MRPL30: variants seen among roughly 807,000 people sequenced by gnomAD.
MRPL30 encodes the protein mitochondrial ribosomal protein L30, also known as large ribosomal subunit protein uL30m.
A neutral mutation model predicts 17.2 loss-of-function variants in MRPL30; 10 were observed. That is an observed-to-expected ratio of 0.58 (90% CI 0.36 to 0.99). MRPL30 has a LOEUF of 0.99. Ranked by LOEUF, MRPL30 falls within the 50% of genes least tolerant of loss-of-function variation. The probability of loss-of-function intolerance (pLI) is 0.01; values close to 1 mark genes in which losing one functional copy is unlikely to be tolerated. For missense variants in MRPL30, 170 were observed against 189.8 expected, an observed-to-expected ratio of 0.90 and a Z score of 0.61; for synonymous variants, 61 against 62.1, an observed-to-expected ratio of 0.98 and a Z score of 0.08.
In MRPL30 at chr2:99,198,359, G is replaced by A. The variant is rs1209438178; in HGVS notation, c.*2654G>A. 1.3e-5 allele frequency among the ~76,000 whole-genome samples: 2 copies of A among 152,234 alleles called. No individual in the cohort carries two copies. The highest frequency in any genetic ancestry group is 1.5e-5 in the Non-Finnish European group (1 of 68,042). ...AGGGATCTGCTCCCAAGCACTCTCA[G>A]GTTGTTGGCAGAATTTGTTTCCTTA... On this transcript the variant is annotated 3_prime_UTR_variant, in exon 6 of 6. Coordinates refer to ENST00000338148, the MANE Select transcript of MRPL30 (RefSeq NM_145212.4).
chr2:99,195,858 G>A lies in MRPL30; in HGVS notation c.*153G>A, dbSNP rs867788205. The A allele has an allele frequency of 1.9e-5, 20 of 1,045,900 alleles. No homozygotes were observed. Among genetic ancestry groups the A allele is most frequent in the Non-Finnish European group, 2.4e-5 (18 of 746,072 alleles). The allele number at this position is 1,045,900 out of a possible 1,614,324, so 64.8% of individuals were successfully genotyped here. On this transcript the variant is annotated 3_prime_UTR_variant, in exon 6 of 6. Transcript: ENST00000338148. ...GCACTTTGGGAGGCCAAGGCGGGCA[G>A]ATCACCTGAGGTCAAGAGTTCGAGA...
At chr2:99,195,484 A>G (rs2093953576) in intron 5 of MRPL30, 89 bp from the exon 6 acceptor site, 13 of 1,392,146 alleles carry the variant, frequency 9.3e-6, no homozygotes, top group South Asian at 7.0e-5. Flanking sequence ...ATTTGAAACT[A>G]TGTGTTATTG....
At chr2:99,189,309 C>G (rs2093939948) in intron 3 of MRPL30, among the ~76,000 whole-genome samples, 1 of 152,196 alleles carries the variant, frequency 6.6e-6, no homozygotes, top group Admixed American at 6.5e-5. Flanking sequence ...TCCTTCCCAA[C>G]TCCTAACCCC....
In MRPL30 at chr2:99,194,856, T is replaced by A. The variant is rs2093952576; in HGVS notation, c.238T>A (p.Tyr80Asn). Residue 80 changes from tyrosine (Y) to asparagine (N), a missense_variant, in exon 4 of 6, where the codon TAT (tyrosine) becomes AAT (asparagine). Physicochemically the swap from Tyr to Asn is moderately radical, Grantham distance 143 (BLOSUM62 -2). Transcript: ENST00000338148. ...AATAAAAAGTACAAGAAGACGTCCATATTGGGAAAAAGATATAATAAAGAT... is the reference window on the plus strand; with the variant it reads ...AATAAAAAGTACAAGAAGACGTCCAAATTGGGAAAAAGATATAATAAAGAT... ...TRIKSTRRRP[Y>N]WEKDIIKMLG... The A allele has an allele frequency of 1.3e-6, 2 of 1,587,372 alleles. No homozygotes were observed. Among genetic ancestry groups the A allele is most frequent in the African/African-American group, 2.7e-5 (2 of 73,368 alleles).
intron 1 of MRPL30, among the ~76,000 whole-genome samples, chr2:99,185,315 A>G (rs549751984): frequency 1.3e-5 from 2 of 152,290 alleles, no homozygotes; most frequent in African/African-American, 4.8e-5. Flanking sequence ...CTTTGTAGTA[A>G]TTTAATAATA....
rs1462310726 is a variant in MRPL30, at chr2:99,195,236, A to C, written c.353+47A>C. On this transcript the variant is annotated intron_variant, in intron 5 of 5. Coordinates refer to ENST00000338148, the MANE Select transcript of MRPL30 (RefSeq NM_145212.4). ...CTTTTTAAAATGTATTGCCTAGTGT[A>C]ATTCTAAATGCATTTTTCTTTTTTC... 4.0e-6 allele frequency: 6 copies of C among 1,484,210 alleles called. No homozygotes were observed. In the African/African-American group the frequency reaches 7.1e-5, roughly 18 times the overall value. The allele number at this position is 1,484,210 out of a possible 1,614,324, so 91.9% of individuals were successfully genotyped here.
rs1368052981 is a variant in MRPL30, at chr2:99,197,892, C to G, written c.*2187C>G. Among the ~76,000 whole-genome samples, 1 of 152,140 alleles carries G rather than the reference C, an allele frequency of 6.6e-6. No homozygotes were observed. Among genetic ancestry groups the G allele is most frequent in the African/African-American group, 2.4e-5 (1 of 41,432 alleles). ...CTTCTAATCTCAAATGATTCTCCTG[C>G]CTCAGCCTCCCAAAGTGCTGGGAAT... On this transcript the variant is annotated 3_prime_UTR_variant, in exon 6 of 6. Coordinates refer to ENST00000338148, the MANE Select transcript of MRPL30 (RefSeq NM_145212.4).
chr2:99,191,110 A>T (rs13025880), intron 3 of MRPL30, among the ~76,000 whole-genome samples: 1 of 151,184 alleles, frequency 6.6e-6, no homozygotes, highest in African/African-American at 2.4e-5. Flanking sequence ...GGGTTCAAGC[A>T]ATTCTCCTGC....
chr2:99,190,492 A>G (rs1375501214), intron 3 of MRPL30, among the ~76,000 whole-genome samples: 1 of 152,134 alleles, frequency 6.6e-6, no homozygotes, highest in Non-Finnish European at 1.5e-5. Context: ...CAAGAGGTCA[A>G]GGGTGTAGTG....
chr2:99,191,976 A>G (rs1009900984), intron 3 of MRPL30, among the ~76,000 whole-genome samples: 1 of 151,940 alleles, frequency 6.6e-6, no homozygotes, highest in Admixed American at 6.6e-5. Flanking sequence ...TCTGATCTCC[A>G]CCATCCTTCT....
chr2:99,188,257 A>G lies in MRPL30; in HGVS notation c.132A>G (p.Lys44=). 2 of 1,601,120 alleles carry G rather than the reference A, an allele frequency of 1.2e-6. No homozygotes were observed. Among genetic ancestry groups the G allele is most frequent in the Non-Finnish European group, 1.7e-6 (2 of 1,174,484 alleles). ...HKFTRSRIPE[K]VFQASPEDHE... ...TCACCAGATCAAGAATTCCAGAAAA[A>G]GTAAGAACAAAGTTTGATTTTTTTA... Residue 44 remains lysine (K), a splice_region_variant and synonymous_variant, in exon 3 of 6, where the codon AAA becomes AAG. Coordinates refer to ENST00000338148, the MANE Select transcript of MRPL30 (RefSeq NM_145212.4).
chr2:99,184,140 T>C (rs969626462), intron 1 of MRPL30, among the ~76,000 whole-genome samples: 2 of 152,240 alleles, frequency 1.3e-5, no homozygotes, highest in African/African-American at 4.8e-5. Context: ...TGTTACTTAT[T>C]TTGTTGCTGA....
intron 4 of MRPL30, 81 bp from the exon 5 acceptor site, chr2:99,195,035 C>T: frequency 1.4e-6 from 2 of 1,402,812 alleles, no homozygotes; most frequent in Non-Finnish European, 1.9e-6. Context: ...TTAGAATGAA[C>T]CTTCAATTTA....
chr2:99,190,055 G>T (rs1276800357), intron 3 of MRPL30, among the ~76,000 whole-genome samples: 1 of 151,678 alleles, frequency 6.6e-6, no homozygotes, highest in African/African-American at 2.4e-5. Flanking sequence ...ATCTCAAGAG[G>T]TTAAGGCTGC....
At chr2:99,193,733 G>A (rs1228428692) in intron 3 of MRPL30, among the ~76,000 whole-genome samples, 1 of 152,086 alleles carries the variant, frequency 6.6e-6, no homozygotes, top group Non-Finnish European at 1.5e-5. Flanking sequence ...TATCCTATAG[G>A]ATACATCAGA....
At chr2:99,194,130 TATC>T (rs759853236) in intron 3 of MRPL30, among the ~76,000 whole-genome samples, 4 of 152,192 alleles carry the variant, frequency 2.6e-5, no homozygotes, top group Non-Finnish European at 5.9e-5. Context: ...ATAATGTAGT[TATC>T]ATGGTGAGGA....
intron 1 of MRPL30, among the ~76,000 whole-genome samples, chr2:99,183,013 A>C (rs1452318410): frequency 6.6e-6 from 1 of 152,208 alleles, no homozygotes. Context: ...GAAAATGTTA[A>C]ATGATGTGAT....
rs1454071705 is a variant in MRPL30 at position 99,195,811 on chromosome 2, C to T, written c.*106C>T. On this transcript the variant is annotated 3_prime_UTR_variant, in exon 6 of 6. Transcript: ENST00000338148. ...TTCAAAACCATTTTCAGGCCGGGCA[C>T]GGTGGCTCACCTGTAATCCCAGCAC... 1.2e-5 allele frequency: 18 copies of T among 1,530,376 alleles called. No homozygotes were observed. The highest frequency in any genetic ancestry group is 2.3e-5 in the South Asian group (2 of 85,342). The allele number at this position is 1,530,376 out of a possible 1,614,324, so 94.8% of individuals were successfully genotyped here.
At chr2:99,186,355 C>G (rs959863726) in intron 2 of MRPL30, 101 bp downstream of exon 2, 1 of 1,145,264 alleles carries the variant, frequency 8.7e-7, no homozygotes, top group African/African-American at 1.6e-5. Flanking sequence ...TTTTTTGAGA[C>G]GAAGTCTCTC....
Sources: gnomAD v4.1 joint callset for allele counts (sites outside exome capture counted in the v4.1 genomes callset) on GRCh38, gnomAD v4.1.1 for gene constraint, MANE v1.5 for transcripts, NCBI Gene and HGNC (gene_info 2026-07-23, HGNC 2026-07-21) for gene names.